P2RY14: variants seen among roughly 807,000 people sequenced by gnomAD.
P2RY14 encodes the protein P2Y purinoceptor 14.
In P2RY14, 2 loss-of-function variants were observed where a neutral mutation model predicts 0.9. That is an observed-to-expected ratio of 2.16 (90% confidence interval 0.88 to 6.79). The LOEUF is 6.79. Among genes scored for constraint, P2RY14 ranks in the 30% most tolerant of loss-of-function variants. The probability of loss-of-function intolerance (pLI) is 0.05; values close to 1 mark genes in which losing one functional copy is unlikely to be tolerated. For synonymous variants in P2RY14, 158 were observed against 147.2 expected, an observed-to-expected ratio of 1.07 and a Z score of -0.53; for missense variants, 378 against 400.1, an observed-to-expected ratio of 0.94 and a Z score of 0.47.
intron 1 of P2RY14, among the ~76,000 whole-genome samples, chr3:151,236,914 A>T (rs1479541287): frequency 6.6e-6 from 1 of 152,046 alleles, no homozygotes; most frequent in Non-Finnish European, 1.5e-5. Context: ...TGCCATTGTG[A>T]GTCATGCCGA....
intron 1 of P2RY14, chr3:151,248,958 G>C (rs1036630855): frequency 6.6e-6 from 1 of 152,176 alleles, no homozygotes; most frequent in Non-Finnish European, 1.5e-5. Flanking sequence ...TTTGCTCTCT[G>C]CTGGACTGCT....
intron 1 of P2RY14, among the ~76,000 whole-genome samples, chr3:151,237,337 T>C (rs1446147477): frequency 3.4e-5 from 3 of 89,414 alleles, no homozygotes; most frequent in African/African-American, 1.3e-4. Context: ...CACGCCTGGC[T>C]TTTTTTTTTT....
chr3:151,250,969 A>G (rs975528454), intron 1 of P2RY14, among the ~76,000 whole-genome samples: 1 of 152,142 alleles, frequency 6.6e-6, no homozygotes, highest in African/African-American at 2.4e-5. Flanking sequence ...TCTTTCTAGT[A>G]GTAGCCATCT....
At chr3:151,253,326 G>A (rs1046633498) in intron 1 of P2RY14, among the ~76,000 whole-genome samples, 1 of 152,150 alleles carries the variant, frequency 6.6e-6, no homozygotes, top group Non-Finnish European at 1.5e-5. Context: ...TGTCCCAGGG[G>A]CCTTCCGCTC....
intron 1 of P2RY14, among the ~76,000 whole-genome samples, chr3:151,253,809 C>G (rs1449644234): frequency 6.6e-6 from 1 of 152,108 alleles, no homozygotes; most frequent in Non-Finnish European, 1.5e-5. Flanking sequence ...GGGCTTGAAA[C>G]ATTGTCCTTT....
chr3:151,247,563 G>T (rs1430271113), intron 1 of P2RY14, among the ~76,000 whole-genome samples: 1 of 144,630 alleles, frequency 6.9e-6, no homozygotes, highest in African/African-American at 2.6e-5. Context: ...ATTGAACAAT[G>T]AGATCACATG....
rs1232592700 is a variant in P2RY14, at chr3:151,213,453, T to C, written c.864A>G (p.Val288=). The C allele has an allele frequency of 6.2e-7, 1 of 1,614,104 alleles. No individual in the cohort carries two copies. Among genetic ancestry groups the C allele is most frequent in the Non-Finnish European group, 8.5e-7 (1 of 1,180,036 alleles). The change falls in exon 3 of 3, where the codon GTA becomes GTG. Residue 288 remains valine (V), a synonymous_variant. Transcript: ENST00000309170. ...EFTLLLSAAN[V]CLDPIIYFFL... is the part of the protein sequence containing the mutation. ...AGAAATAAATAATAGGGTCCAAGCATACATTTGCAGCAGATAGTAGCAGAG... is the reference window on the plus strand; with the variant it reads ...AGAAATAAATAATAGGGTCCAAGCACACATTTGCAGCAGATAGTAGCAGAG...
At chr3:151,269,584 C>A in intron 1 of P2RY14, 1 of 288,612 alleles carries the variant, frequency 3.5e-6, no homozygotes, top group Non-Finnish European at 6.8e-6. Flanking sequence ...ATTTGTCAGC[C>A]ATCCACAAGT....
chr3:151,261,643 T>C (rs1247351033), intron 1 of P2RY14, among the ~76,000 whole-genome samples: 2 of 152,092 alleles, frequency 1.3e-5, no homozygotes, highest in Non-Finnish European at 2.9e-5. Flanking sequence ...GACACCTCCA[T>C]TCCTGAAACT....
chr3:151,255,305 G>T (rs948513785), intron 1 of P2RY14, among the ~76,000 whole-genome samples: 1 of 152,150 alleles, frequency 6.6e-6, no homozygotes, highest in African/African-American at 2.4e-5. Flanking sequence ...TACCCTTCAT[G>T]TGTGACATGC....
chr3:151,267,989 G>A (rs1266896632), intron 1 of P2RY14, among the ~76,000 whole-genome samples: 1 of 152,114 alleles, frequency 6.6e-6, no homozygotes, highest in Non-Finnish European at 1.5e-5. Context: ...CAGTAAAATG[G>A]ACAAGGGTAA....
At chr3:151,216,866 G>A (rs1158456482) in intron 2 of P2RY14, among the ~76,000 whole-genome samples, 2 of 152,160 alleles carry the variant, frequency 1.3e-5, no homozygotes, top group Non-Finnish European at 2.9e-5. Context: ...TCTGGTAACT[G>A]TCTCTTGACA....
At chr3:151,263,488 TC>T (rs1739278705) in intron 1 of P2RY14, among the ~76,000 whole-genome samples, 2 of 152,244 alleles carry the variant, frequency 1.3e-5, no homozygotes, top group Non-Finnish European at 2.9e-5. Context: ...GTTGTTTTGT[TC>T]TTTGATTTTG....
intron 1 of P2RY14, among the ~76,000 whole-genome samples, chr3:151,249,500 C>G (rs1736427423): frequency 6.6e-6 from 1 of 152,086 alleles, no homozygotes; most frequent in African/African-American, 2.4e-5. Context: ...GGCAAGATAA[C>G]TGTCAAATGA....
intron 1 of P2RY14, among the ~76,000 whole-genome samples, chr3:151,243,207 G>C (rs202045300): frequency 0.057 from 8,603 of 151,976 alleles, 553 homozygotes; most frequent in East Asian, 0.33. Context: ...ATATTATCCA[G>C]GAGAACTTCC....
chr3:151,224,483 G>A lies in P2RY14; in HGVS notation c.-132-4841C>T, dbSNP rs533462821. On this transcript the variant is annotated intron_variant, in intron 1 of 2. Transcript: ENST00000309170. Reference sequence around the variant, plus strand: ...TTGGTGTCAATGTGATCGCCTATGCGGTTTTCATAGTATTTATGTGTCGTG... The same window carrying A: ...TTGGTGTCAATGTGATCGCCTATGCAGTTTTCATAGTATTTATGTGTCGTG... Among the ~76,000 whole-genome samples, 10 of 151,606 alleles carry A rather than the reference G, an allele frequency of 6.6e-5. 1 individual carries two copies. In the South Asian group the frequency reaches 1.0e-3, roughly 16 times the overall value.
intron 1 of P2RY14, among the ~76,000 whole-genome samples, chr3:151,240,460 T>A (rs1733851992): frequency 6.6e-6 from 1 of 152,366 alleles, no homozygotes; most frequent in South Asian, 2.1e-4. Flanking sequence ...TAGCATGTCT[T>A]GTTTAGTTTC....
At chr3:151,218,856 G>A (rs1728753807) in intron 2 of P2RY14, among the ~76,000 whole-genome samples, 1 of 96,964 alleles carries the variant, frequency 1.0e-5, no homozygotes, top group South Asian at 4.2e-4. Context: ...GACAGAGCAA[G>A]ACTCAGTCTC....
intron 1 of P2RY14, among the ~76,000 whole-genome samples, chr3:151,220,547 G>A (rs553334536): frequency 6.6e-6 from 1 of 152,326 alleles, no homozygotes; most frequent in East Asian, 1.9e-4. Context: ...GGGAGCCAGT[G>A]GGAGATGATT....
Sources: allele counts gnomAD v4.1 joint callset (sites outside exome capture counted in the v4.1 genomes callset), GRCh38; gene constraint gnomAD v4.1.1; transcripts MANE v1.5; gene names NCBI Gene and HGNC (gene_info 2026-07-23, HGNC 2026-07-21).